The following ARHGEF18 variants were observed in gnomAD, a reference collection of about 807,000 sequenced individuals.
The protein encoded by ARHGEF18 is Rho/Rac guanine nucleotide exchange factor 18.
Under a neutral mutation model 155.7 loss-of-function variants are expected in ARHGEF18, and 93 were observed. That is an observed-to-expected ratio of 0.60 (90% CI 0.50 to 0.71). The LOEUF is 0.71. ARHGEF18 is among the 30% of genes least tolerant of loss of function. The pLI is 0.00. For synonymous variants in ARHGEF18, 742 were observed against 753.1 expected (o/e 0.99, Z 0.24); for missense variants, 1,593 against 1,816.1 (o/e 0.88, Z 2.23).
chr19:7,478,751 C>T, the ARHGEF18 span, among the ~76,000 whole-genome samples: 8 of 152,230 alleles, frequency 5.3e-5, no homozygotes, highest in Admixed American at 2.6e-4. Flanking sequence ...GGCGTGGGGA[C>T]GCCGTTTCCC....
At chr19:7,460,076 C>CT in intron 20 of ARHGEF18, 82 bp downstream of exon 20, 1 of 1,359,706 alleles carries the variant, frequency 7.4e-7, no homozygotes, top group Non-Finnish European at 1.0e-6. Context: ...AGAGGGTGAA[C>CT]TGCCCCCCAG....
chr19:7,387,345 G>A, intron 10 of ARHGEF18, among the ~76,000 whole-genome samples: 1 of 151,874 alleles, frequency 6.6e-6, no homozygotes, highest in Non-Finnish European at 1.5e-5. Flanking sequence ...GTAGAGACGG[G>A]GTTTCACCGT....
chr19:7,443,756 T>C (rs779655091), intron 13 of ARHGEF18, among the ~76,000 whole-genome samples: 3 of 152,106 alleles, frequency 2.0e-5, no homozygotes, highest in Non-Finnish European at 4.4e-5. Flanking sequence ...ACAGACTTGA[T>C]AGCCAGGCGT....
At chr19:7,357,066 C>G (rs1479455781) in intron 1 of ARHGEF18, among the ~76,000 whole-genome samples, 1 of 152,120 alleles carries the variant, frequency 6.6e-6, no homozygotes, top group African/African-American at 2.4e-5. Flanking sequence ...GGCTGTTGAG[C>G]TCTCATGAAG....
chr19:7,474,263 C>T (rs190815659), downstream of ARHGEF18, among the ~76,000 whole-genome samples: 268 of 150,972 alleles, frequency 1.8e-3, 1 homozygote, highest in African/African-American at 6.2e-3. Flanking sequence ...CGGTTGAACC[C>T]GGAGGCGGAG....
downstream of ARHGEF18, chr19:7,477,401 G>A (rs747422959): frequency 3.3e-6 from 5 of 1,510,086 alleles, no homozygotes; most frequent in Non-Finnish European, 4.4e-6. Flanking sequence ...CTGCATCTGC[G>A]CCTCCATGGC....
chr19:7,470,395 C>A lies in ARHGEF18; in HGVS notation c.*97C>A, dbSNP rs1367299181. 1.7e-6 allele frequency: 2 copies of A among 1,182,420 alleles called. No homozygotes were observed. The highest frequency in any genetic ancestry group is 2.9e-5 in the South Asian group (1 of 34,386). 73.2% of individuals were successfully genotyped at this position (1,182,420 alleles called of 1,614,324 possible). On this transcript the variant is annotated 3_prime_UTR_variant, in exon 29 of 29. Transcript: ENST00000668164. This position sits in a 1 kb window ranked among gnomAD's most constrained non-coding sequence, Gnocchi z 5.9. ...GGGGTCACCATGCCCACCCAGCTGT[C>A]CCCTCCTCTTCCCTAGCAAACCACT...
intron 10 of ARHGEF18, among the ~76,000 whole-genome samples, chr19:7,405,133 A>G (rs1972235686): frequency 6.6e-6 from 1 of 151,580 alleles, no homozygotes; most frequent in Non-Finnish European, 1.5e-5. Context: ...TATTTTTTAT[A>G]TTTTTAGTAG....
intron 10 of ARHGEF18, among the ~76,000 whole-genome samples, chr19:7,385,443 CATTATTATTATTATTATTATTATT>C (rs142755963): frequency 0.01 from 1,383 of 136,664 alleles, 36 homozygotes; most frequent in African/African-American, 0.035. Context: ...CTGGGAACTT[CATTATTATTATTATTATTATTATT>C]ATTATTATTA....
chr19:7,414,075 G>C (rs12976986), intron 10 of ARHGEF18, among the ~76,000 whole-genome samples: 83,517 of 151,928 alleles, frequency 0.55, 23,426 homozygotes, highest in Middle Eastern at 0.75. Context: ...AGATACTGTA[G>C]GCATTTGGGG....
rs370844071 is a variant in ARHGEF18 at position 7,470,243 on chromosome 19, C to T, written c.4031C>T (p.Ala1344Val). The part of the protein sequence containing the change: ...PGPPAPSPLP[A>V]TPLSAKEDAS... ...CCCCCAGCTCCCTCGCCACTGCCGG[C>T]CACACCACTCAGCGCCAAGGAGGAC... The change falls in exon 29 of 29, where the codon GCC becomes GTC. Residue 1344 changes from alanine (A) to valine (V), a missense_variant. Transcript: ENST00000668164. The surrounding 1 kb of genome is among the most constrained non-coding windows in gnomAD (Gnocchi z 5.9). The T allele has an allele frequency of 1.6e-5, 26 of 1,605,252 alleles. No individual in the cohort carries two copies. Among genetic ancestry groups the T allele is most frequent in the East Asian group, 2.2e-5 (1 of 44,518 alleles).
chr19:7,377,813 G>GT (rs1470025604), intron 5 of ARHGEF18, among the ~76,000 whole-genome samples: 1 of 150,644 alleles, frequency 6.6e-6, no homozygotes, highest in Non-Finnish European at 1.5e-5. Context: ...GGCCTGGTGC[G>GT]GTGGCTCACG....
Position 7,385,571 on chromosome 19 carries a change from G to A in ARHGEF18, c.967+2368G>A, listed in dbSNP as rs1364707475. Reference sequence around the variant, plus strand: ...GCTCACTGCAACTCTCACCTCCCAGGTTCAAGCGATTCTCCTGCCCCAGCC... The same window carrying A: ...GCTCACTGCAACTCTCACCTCCCAGATTCAAGCGATTCTCCTGCCCCAGCC... On this transcript the variant is annotated intron_variant, in intron 10 of 28. Transcript: ENST00000668164. 2.6e-5 allele frequency among the ~76,000 whole-genome samples: 4 copies of A among 151,426 alleles called. No individual in the cohort carries two copies. The East Asian group carries it at 7.8e-4, about 30-fold the overall frequency.
intron 5 of ARHGEF18, among the ~76,000 whole-genome samples, 169 bp downstream of exon 5, chr19:7,376,926 C>T (rs574820520): frequency 6.6e-6 from 1 of 152,246 alleles, no homozygotes; most frequent in Admixed American, 6.5e-5. Context: ...GTCCCCTGGG[C>T]AGGGACTGAG....
intron 3 of ARHGEF18, 139 bp from the exon 4 acceptor site, chr19:7,375,581 C>A: frequency 1.2e-6 from 1 of 805,034 alleles, no homozygotes; most frequent in Non-Finnish European, 1.7e-6. Flanking sequence ...GAGGTCTGGA[C>A]CCCTTTCTGT....
At chr19:7,424,096 G>T (rs912564608) in intron 10 of ARHGEF18, among the ~76,000 whole-genome samples, 5 of 151,860 alleles carry the variant, frequency 3.3e-5, no homozygotes, top group African/African-American at 1.2e-4. Flanking sequence ...GCGTGATCTC[G>T]GCTGACCGCA....
At chr19:7,466,364 C>CAA (rs1224195513) in intron 23 of ARHGEF18, among the ~76,000 whole-genome samples, 4 of 117,650 alleles carry the variant, frequency 3.4e-5, no homozygotes, top group Admixed American at 1.0e-4. Context: ...GCCTGGGCAA[C>CAA]GAGCAAAACT....
At position 7,449,324 on chromosome 19, in the gene ARHGEF18, C is replaced by G. The variant is rs1386931575; in HGVS notation, c.1738-1825C>G. ...TGGTGGCTCACGCTTGGAATCCCAG[C>G]ACTTTTGGGGAGGCCAAGGCAGGCG... On this transcript the variant is annotated intron_variant, in intron 15 of 28. Coordinates refer to ENST00000668164, the MANE Select transcript of ARHGEF18 (RefSeq NM_001367823.1). 3.3e-5 allele frequency among the ~76,000 whole-genome samples: 5 copies of G among 152,054 alleles called. 1 individual carries two copies.
intron 2 of ARHGEF18, 94 bp downstream of exon 2, chr19:7,362,999 T>C: frequency 8.2e-7 from 1 of 1,214,450 alleles, no homozygotes; most frequent in East Asian, 3.2e-5. Flanking sequence ...AGGCACTTTG[T>C]GTACATTATC....
Sources: gnomAD v4.1 joint callset for allele counts (sites outside exome capture counted in the v4.1 genomes callset) on GRCh38, gnomAD v4.1.1 for gene constraint, Gnocchi (gnomAD v3.1) non-coding constraint, MANE v1.5 for transcripts, NCBI Gene and HGNC (gene_info 2026-07-23, HGNC 2026-07-21) for gene names.